TRPM1: variants seen among roughly 807,000 people sequenced by gnomAD.
TRPM1 encodes the protein transient receptor potential cation channel subfamily M member 1, also known as TRPM1-203 APA Isoform, Intron 10.
Under a neutral mutation model 149.4 loss-of-function variants are expected in TRPM1, and 113 were observed. That is an observed-to-expected ratio of 0.76 (90% CI 0.65 to 0.88). The LOEUF is 0.88. Among genes scored for constraint, TRPM1 ranks in the 40% least tolerant of loss-of-function variants. The pLI is 0.00. For synonymous variants in TRPM1, 741 were observed against 759.5 expected, an observed-to-expected ratio of 0.98 and a Z score of 0.40; for missense variants, 1,976 against 2,038.7, an observed-to-expected ratio of 0.97 and a Z score of 0.59.
At chr15:31,075,558 T>G (rs1359568509) in intron 3 of TRPM1, among the ~76,000 whole-genome samples, 4 of 152,214 alleles carry the variant, frequency 2.6e-5, no homozygotes, top group Admixed American at 6.5e-5. Flanking sequence ...ATCTCTCAAC[T>G]GCATTCATTC....
chr15:31,063,067 G>T (rs370920189), intron 8 of TRPM1, 51 bp downstream of exon 8: 7 of 1,610,024 alleles, frequency 4.3e-6, no homozygotes, highest in East Asian at 4.5e-5. Flanking sequence ...TCCTTGGCCC[G>T]ACAAAGAGGG....
At chr15:31,077,756 T>G (rs1596045799) in intron 2 of TRPM1, among the ~76,000 whole-genome samples, 1 of 152,056 alleles carries the variant, frequency 6.6e-6, no homozygotes, top group African/African-American at 2.4e-5. Context: ...GTGCTATGTT[T>G]GTGTATGTGT....
chr15:31,097,408 G>C (rs1430368132), intron 1 of TRPM1, among the ~76,000 whole-genome samples: 2 of 152,184 alleles, frequency 1.3e-5, no homozygotes, highest in African/African-American at 4.8e-5. Flanking sequence ...CTGAGTACTG[G>C]CTTGCCTCTC....
intron 3 of TRPM1, among the ~76,000 whole-genome samples, chr15:31,072,002 TATATATATATATATATAGAGAGAGAG>T (rs1424956583): frequency 5.7e-4 from 39 of 67,942 alleles, no homozygotes; most frequent in Middle Eastern, 9.1e-3. Flanking sequence ...TATATATATA[TATATATATATATATATAGAGAGAGAG>T]AGAGAGAGAG....
chr15:31,128,748 C>A (rs1349388606), intron 1 of TRPM1, among the ~76,000 whole-genome samples: 1 of 152,208 alleles, frequency 6.6e-6, no homozygotes, highest in African/African-American at 2.4e-5. Flanking sequence ...CTTGGGTGGG[C>A]GACCTGTGCA....
intron 3 of TRPM1, among the ~76,000 whole-genome samples, chr15:31,071,558 C>T (rs544278766): frequency 3.7e-4 from 57 of 152,084 alleles, no homozygotes; most frequent in African/African-American, 1.3e-3. Context: ...TCCCTCCCAC[C>T]CTCCTTCTGA....
chr15:31,060,890 C>T (rs2034214248), intron 10 of TRPM1, among the ~76,000 whole-genome samples: 1 of 152,190 alleles, frequency 6.6e-6, no homozygotes, highest in African/African-American at 2.4e-5. Flanking sequence ...AGAACAGGAA[C>T]CCAGTGACTC....
At chr15:31,063,919 C>G (rs1442091746) in intron 7 of TRPM1, among the ~76,000 whole-genome samples, 1 of 152,172 alleles carries the variant, frequency 6.6e-6, no homozygotes, top group Non-Finnish European at 1.5e-5. Context: ...GAAGGTATTC[C>G]TGGCTGGAAA....
intron 1 of TRPM1, among the ~76,000 whole-genome samples, chr15:31,121,578 A>T (rs2035881049): frequency 6.6e-6 from 1 of 152,212 alleles, no homozygotes; most frequent in Admixed American, 6.5e-5. Flanking sequence ...CTTAGATGAA[A>T]TGAACAAATT....
intron 25 of TRPM1, 34 bp from the exon 26 acceptor site, chr15:31,027,151 A>G (rs1024587692): frequency 1.3e-6 from 2 of 1,593,464 alleles, no homozygotes; most frequent in South Asian, 1.1e-5. Flanking sequence ...AGTTAGTTAT[A>G]TTACTTTTTA....
intron 11 of TRPM1, among the ~76,000 whole-genome samples, chr15:31,054,920 C>G (rs1335561076): frequency 2.0e-5 from 3 of 152,150 alleles, no homozygotes; most frequent in African/African-American, 7.2e-5. Context: ...ACTTTTAAAC[C>G]AAAATCTCCC....
At chr15:31,086,249 G>A (rs1217685602) in intron 1 of TRPM1, among the ~76,000 whole-genome samples, 2 of 152,210 alleles carry the variant, frequency 1.3e-5, no homozygotes, top group African/African-American at 4.8e-5. Flanking sequence ...GGGAGGAGAG[G>A]GGGAGCGGCA....
At chr15:31,064,000 T>C (rs1369459652) in intron 7 of TRPM1, among the ~76,000 whole-genome samples, 3 of 152,074 alleles carry the variant, frequency 2.0e-5, no homozygotes, top group Non-Finnish European at 4.4e-5. Flanking sequence ...AAGAATAAGA[T>C]GATGAAAGGG....
At chr15:31,028,552 C>T in intron 24 of TRPM1, 76 bp from the exon 25 acceptor site, 16 of 1,491,222 alleles carry the variant, frequency 1.1e-5, no homozygotes, top group Non-Finnish European at 1.5e-5. Context: ...ATATGTTTTT[C>T]AATACCTATT....
At chr15:31,043,196 G>C (rs1376034535) in intron 16 of TRPM1, among the ~76,000 whole-genome samples, 1 of 152,022 alleles carries the variant, frequency 6.6e-6, no homozygotes, top group Non-Finnish European at 1.5e-5. Context: ...AATTTGTTTT[G>C]TTTTGTTTTG....
At chr15:31,078,687 C>T (rs1032498744) in intron 2 of TRPM1, among the ~76,000 whole-genome samples, 2 of 152,184 alleles carry the variant, frequency 1.3e-5, no homozygotes, top group Non-Finnish European at 2.9e-5. Flanking sequence ...TGCACTTTTC[C>T]CGTCTGTTTC....
In TRPM1 at chr15:31,070,089, G is replaced by C. The variant is rs532813224; in HGVS notation, c.221C>G (p.Pro74Arg). ...WSVAKHTQSY[P>R]TDSYGVLEFQ... ...TTCAAGAACTCCATAGGAATCTGTT[G>C]GGTAGCTCTGGGTGTGCTTGGCAAC... is the stretch of plus-strand genomic sequence containing the variant. Residue 74 changes from proline to arginine, a missense_variant, in exon 4 of 28, where the codon CCA becomes CGA. Coordinates refer to ENST00000256552, the MANE Select transcript of TRPM1 (RefSeq NM_001252024.2). The C allele has an allele frequency of 6.2e-7, 1 of 1,614,046 alleles. No homozygotes were observed. The highest frequency in any genetic ancestry group is 8.5e-7 in the Non-Finnish European group (1 of 1,180,044).
chr15:31,026,160 C>T lies in TRPM1; in HGVS notation c.3608G>A (p.Arg1203His), dbSNP rs766982197. The change falls in exon 27 of 28, where the codon CGC becomes CAC. Residue 1203 changes from arginine (R) to histidine (H), a missense_variant. Physicochemically the swap from Arg to His is conservative, Grantham distance 29. Coordinates refer to ENST00000256552, the MANE Select transcript of TRPM1 (RefSeq NM_001252024.2). The stretch of plus-strand genomic sequence containing the variant: ...GTACCTTTCAGAAGTGACCCGGATG[C>T]GCTCGTCGCTGGACGACTGCTGCTC... Reference protein sequence around the residue: ...EDEQQSSSDERIRVTSERVEN... With the variant: ...EDEQQSSSDEHIRVTSERVEN... 5 of 1,611,980 alleles carry T rather than the reference C, an allele frequency of 3.1e-6. No homozygotes were observed. In the Admixed American group the frequency reaches 5.0e-5, roughly 16 times the overall value.
chr15:31,102,456 G>T (rs1223119679), upstream of TRPM1, among the ~76,000 whole-genome samples: 1 of 152,236 alleles, frequency 6.6e-6, no homozygotes, highest in African/African-American at 2.4e-5. Context: ...CTTGGGCATT[G>T]TCCGCCTCCC....
Sources: gnomAD v4.1 joint callset for allele counts (sites outside exome capture counted in the v4.1 genomes callset) on GRCh38, gnomAD v4.1.1 for gene constraint, MANE v1.5 for transcripts, NCBI Gene and HGNC (gene_info 2026-07-23, HGNC 2026-07-21) for gene names.